Variants in DPCD observed in about 807,000 individuals in gnomAD.
DPCD encodes the protein protein DPCD.
DPCD carries 20 observed loss-of-function variants against 26.4 expected under a neutral mutation model. That is an observed-to-expected ratio of 0.76 (90% CI 0.53 to 1.10). The LOEUF is 1.10. DPCD is among the 50% of genes least tolerant of loss of function. DPCD has a pLI of 0.00. For synonymous variants in DPCD, 97 were observed against 94.2 expected (o/e 1.03, Z -0.17); for missense variants, 202 against 253.9 (o/e 0.80, Z 1.39).
intron 1 of DPCD, among the ~76,000 whole-genome samples, chr10:101,592,579 G>C (rs1023146417): frequency 1.3e-5 from 2 of 151,986 alleles, no homozygotes; most frequent in Non-Finnish European, 2.9e-5. Flanking sequence ...AAATTAGCTG[G>C]GCATGGTGGT....
At chr10:101,608,058 G>T (rs2063745042) in intron 4 of DPCD, among the ~76,000 whole-genome samples, 1 of 152,076 alleles carries the variant, frequency 6.6e-6, no homozygotes, top group African/African-American at 2.4e-5. Context: ...TTCCTGCAAA[G>T]TCTAGTTATA....
chr10:101,594,766 T>G, intron 2 of DPCD, 28 bp downstream of exon 2: 2 of 1,603,350 alleles, frequency 1.2e-6, no homozygotes, highest in Non-Finnish European at 1.7e-6. Flanking sequence ...CCAGTGGGCC[T>G]TTAGTAATAC....
chr10:101,607,034 C>T (rs1461413530), intron 4 of DPCD, among the ~76,000 whole-genome samples: 2 of 152,188 alleles, frequency 1.3e-5, no homozygotes, highest in African/African-American at 4.8e-5. Context: ...CAGGTGCAAG[C>T]TATGCACCTA....
chr10:101,600,750 G>C lies in DPCD; in HGVS notation c.158G>C (p.Arg53Pro), dbSNP rs149463737. 6.2e-7 allele frequency: 1 copy of C among 1,613,030 alleles called. No individual in the cohort carries two copies. The highest frequency in any genetic ancestry group is 8.5e-7 in the Non-Finnish European group (1 of 1,179,632). The change falls in exon 3 of 6, where the codon CGT (arginine) becomes CCT (proline). Residue 53 changes from arginine (R) to proline (P), a missense_variant. By Grantham distance (103) the Arg-to-Pro change is moderately radical. Coordinates refer to ENST00000370151, the MANE Select transcript of DPCD (RefSeq NM_015448.3). The surrounding 1 kb of genome is among the most constrained non-coding windows in gnomAD (Gnocchi z 4.7). ...CTTCTCTCCCCAGTGAGAAAGTGGC[G>C]TGTGAAAAGTGCCCTGGGAGCCATG... ...KTSELLVRKW[R>P]VKSALGAMGQ...
rs538671501 is a variant in DPCD at position 101,591,599 on chromosome 10, T to C, written c.65-3059T>C. Among the ~76,000 whole-genome samples, 12 of 152,296 alleles carry C rather than the reference T, an allele frequency of 7.9e-5. No individual in the cohort carries two copies. In the South Asian group the frequency reaches 2.5e-3, roughly 32 times the overall value. On this transcript the variant is annotated intron_variant, in intron 1 of 5. Coordinates refer to ENST00000370151, the MANE Select transcript of DPCD (RefSeq NM_015448.3). ...GGATAATGAGACTCCATTTTACTTT[T>C]GTTTTTTTAAGAAATAATTACATTC...
intron 4 of DPCD, chr10:101,605,263 T>C: frequency 6.5e-7 from 1 of 1,544,656 alleles, no homozygotes; most frequent in Non-Finnish European, 8.7e-7. Context: ...TGCTCCTGCC[T>C]TCAGCCTCCA....
At position 101,588,331 on chromosome 10, in the gene DPCD, G is replaced by A. The variant is rs1340028626; in HGVS notation, c.-6G>A. ...GCGGCTGGGCGTGCTGCTTAGCAGG[G>A]GAAAGATGGCGGTGACGGGCTGGTT... On this transcript the variant is annotated 5_prime_UTR_variant, in exon 1 of 6. Coordinates refer to ENST00000370151, the MANE Select transcript of DPCD (RefSeq NM_015448.3). 5.6e-6 allele frequency: 9 copies of A among 1,600,568 alleles called. No homozygotes were observed. In the South Asian group the frequency reaches 9.0e-5, roughly 16 times the overall value.
chr10:101,606,164 C>A (rs933605724), intron 4 of DPCD, among the ~76,000 whole-genome samples: 9 of 152,124 alleles, frequency 5.9e-5, no homozygotes, highest in African/African-American at 2.2e-4. Flanking sequence ...AGGGATATGG[C>A]CTTGTTCCTT....
chr10:101,594,870 C>G, intron 2 of DPCD, 132 bp downstream of exon 2: 2 of 795,080 alleles, frequency 2.5e-6, no homozygotes, highest in East Asian at 2.7e-5. Flanking sequence ...CGGAAGCCCT[C>G]GAGACAACAA....
Position 101,601,081 on chromosome 10 carries a change from G to A in DPCD, c.271-122G>A, listed in dbSNP as rs967277083. ...GGCCTGGAGTGCTGTAGCAATAGCA[G>A]CGTCAGAGGGGAGCAGTGGAGAAGA... On this transcript the variant is annotated intron_variant, in intron 3 of 5. Transcript: ENST00000370151. The A allele has an allele frequency of 8.6e-6, 13 of 1,503,120 alleles. No individual in the cohort carries two copies. The Admixed American group carries it at 1.9e-4, about 22-fold the overall frequency. The allele number at this position is 1,503,120 out of a possible 1,614,324, so 93.1% of individuals were successfully genotyped here.
At chr10:101,588,752 G>T (rs775934321) in intron 1 of DPCD, 151 of 891,904 alleles carry the variant, frequency 1.7e-4, no homozygotes, top group Middle Eastern at 5.8e-4. Flanking sequence ...GAATGTTTTA[G>T]ACTTTAGAGA....
rs1405533659 is a variant in DPCD, at chr10:101,601,323, A to C, written c.391A>C (p.Thr131Pro). Residue 131 changes from threonine (T) to proline (P), a missense_variant, in exon 4 of 6, where the codon ACA (threonine) becomes CCA (proline). This residue lies in a region of DPCD where 118 missense variants were observed against 145.1 expected (regional missense o/e 0.81). Transcript: ENST00000370151. ...GAAGGAGCGCTGCATCATTGTCAGA[A>C]CAACCAACAAGAAGTGAGTAGCGTG... is the stretch of plus-strand genomic sequence containing the variant. ...DQKERCIIVR[T>P]TNKKYYKKFS... The C allele has an allele frequency of 6.2e-7, 1 of 1,613,632 alleles. No homozygotes were observed. Among genetic ancestry groups the C allele is most frequent in the Non-Finnish European group, 8.5e-7 (1 of 1,179,796 alleles).
At chr10:101,598,020 C>T (rs2063666354) in intron 2 of DPCD, among the ~76,000 whole-genome samples, 2 of 152,232 alleles carry the variant, frequency 1.3e-5, no homozygotes, top group Non-Finnish European at 2.9e-5. Context: ...CCAGAGGTGT[C>T]AAGTTCCCTG....
In DPCD at chr10:101,603,450, A is replaced by T. The variant is rs528975355; in HGVS notation, c.404+2114A>T. Among the ~76,000 whole-genome samples the T allele has an allele frequency of 3.6e-4, 53 of 148,400 alleles. No homozygotes were observed. The highest frequency in any genetic ancestry group is 3.4e-3 in the Middle Eastern group (1 of 290). ...TTTTTATTTTTATTTTTATTTATTT[A>T]TTTTTTTTTTAAGAGATGGAGTCTT... On this transcript the variant is annotated intron_variant, in intron 4 of 5. Transcript: ENST00000370151. The surrounding 1 kb of genome is among the most constrained non-coding windows in gnomAD (Gnocchi z 4.6).
intron 4 of DPCD, among the ~76,000 whole-genome samples, chr10:101,604,300 C>T (rs1390972180): frequency 6.6e-6 from 1 of 152,216 alleles, no homozygotes; most frequent in East Asian, 1.9e-4. Context: ...TAGTGACTGT[C>T]TCTCCTGATA....
chr10:101,598,537 A>C (rs1343172688), intron 2 of DPCD, among the ~76,000 whole-genome samples: 1 of 150,798 alleles, frequency 6.6e-6, no homozygotes, highest in Non-Finnish European at 1.5e-5. Context: ...AGTAGTGGCA[A>C]GGGTTGAAAG....
Position 101,603,862 on chromosome 10 carries a change from C to T in DPCD, c.404+2526C>T, listed in dbSNP as rs1302081984. Among the ~76,000 whole-genome samples the T allele has an allele frequency of 6.6e-6, 1 of 152,230 alleles. No individual in the cohort carries two copies. On this transcript the variant is annotated intron_variant, in intron 4 of 5. Transcript: ENST00000370151. This position sits in a 1 kb window ranked among gnomAD's most constrained non-coding sequence, Gnocchi z 4.6. The stretch of plus-strand genomic sequence containing the variant: ...TGAACTCCTGGGCTCAAGGGATCCT[C>T]CCGCCTCATCCTCCTGAGAAGCTGG...
At position 101,603,108 on chromosome 10, in the gene DPCD, G is replaced by A. The variant is rs1414301414; in HGVS notation, c.404+1772G>A. 6.6e-6 allele frequency among the ~76,000 whole-genome samples: 1 copy of A among 152,232 alleles called. No homozygotes were observed. The highest frequency in any genetic ancestry group is 1.5e-5 in the Non-Finnish European group (1 of 68,046). Reference sequence around the variant, plus strand: ...CCTGGAGGGGCAGGGCTGAGGGTTGGATTCCCATAGAGGACAGAGGAGTGT... The same window carrying A: ...CCTGGAGGGGCAGGGCTGAGGGTTGAATTCCCATAGAGGACAGAGGAGTGT... On this transcript the variant is annotated intron_variant, in intron 4 of 5. Transcript: ENST00000370151. This position sits in a 1 kb window ranked among gnomAD's most constrained non-coding sequence, Gnocchi z 4.6.
intron 4 of DPCD, among the ~76,000 whole-genome samples, chr10:101,608,069 C>A (rs1488864765): frequency 1.3e-5 from 2 of 152,106 alleles, no homozygotes; most frequent in African/African-American, 4.8e-5. Flanking sequence ...TCTAGTTATA[C>A]ACATTACAGA....
Sources: allele counts gnomAD v4.1 joint callset (sites outside exome capture counted in the v4.1 genomes callset), GRCh38; gene constraint gnomAD v4.1.1; regional missense constraint gnomAD v4.1.1; non-coding constraint Gnocchi (gnomAD v3.1); transcripts MANE v1.5; gene names NCBI Gene and HGNC (gene_info 2026-07-23, HGNC 2026-07-21).